TRAPPC9: variants seen among roughly 807,000 people sequenced by gnomAD.
TRAPPC9 encodes the protein trafficking protein particle complex subunit 9.
Under a neutral mutation model 124.0 loss-of-function variants are expected in TRAPPC9, and 83 were observed. That is an observed-to-expected ratio of 0.67 (90% confidence interval 0.56 to 0.80). TRAPPC9 has a LOEUF of 0.80. TRAPPC9 is among the 30% of genes least tolerant of loss of function. TRAPPC9 has a pLI of 0.00. For synonymous variants in TRAPPC9, 638 were observed against 617.5 expected (o/e 1.03, Z -0.49); for missense variants, 1,302 against 1,508.3 (o/e 0.86, Z 2.27).
rs970235806 is a variant in TRAPPC9, at chr8:140,241,501, C to T, written c.2431+11276G>A. 1.3e-5 allele frequency among the ~76,000 whole-genome samples: 2 copies of T among 151,818 alleles called. No homozygotes were observed. The highest frequency in any genetic ancestry group is 1.9e-4 in the East Asian group (1 of 5,148). On this transcript the variant is annotated intron_variant, in intron 16 of 22. Transcript: ENST00000438773. This position sits in a 1 kb window ranked among gnomAD's most constrained non-coding sequence, Gnocchi z 5.0. ...CATGAGGTGAAGGGATCAAGACTAT[C>T]CTGGCCAACATGGTGAAACCCTGTC...
intron 20 of TRAPPC9, among the ~76,000 whole-genome samples, chr8:139,892,556 C>G (rs781338250): frequency 6.6e-6 from 1 of 152,192 alleles, no homozygotes; most frequent in Non-Finnish European, 1.5e-5. Flanking sequence ...ACGATGATGA[C>G]GTCTGCCAGT....
intron 17 of TRAPPC9, among the ~76,000 whole-genome samples, chr8:140,140,516 G>T (rs1033972246): frequency 1.5e-4 from 23 of 152,124 alleles, no homozygotes; most frequent in African/African-American, 5.6e-4. Context: ...GAGCATCGAA[G>T]TGTCTCTTCT....
intron 21 of TRAPPC9, among the ~76,000 whole-genome samples, chr8:139,763,609 A>AAT (rs1389882534): frequency 1.3e-5 from 2 of 151,128 alleles, no homozygotes; most frequent in African/African-American, 2.4e-5. Context: ...CATGCACATA[A>AAT]ACACACACAC....
At chr8:140,392,002 G>C (rs544977877) in intron 7 of TRAPPC9, among the ~76,000 whole-genome samples, 91 of 150,694 alleles carry the variant, frequency 6.0e-4, no homozygotes, top group African/African-American at 2.0e-3. Context: ...CTCCAACCTG[G>C]GCTACAAGAG....
chr8:139,986,699 G>C (rs1172893603), intron 19 of TRAPPC9, among the ~76,000 whole-genome samples: 3 of 152,172 alleles, frequency 2.0e-5, no homozygotes, highest in Non-Finnish European at 4.4e-5. Flanking sequence ...CACTGGCTTA[G>C]TTTTTCCTTC....
At chr8:140,444,390 G>C (rs958600517) in intron 2 of TRAPPC9, among the ~76,000 whole-genome samples, 7 of 151,932 alleles carry the variant, frequency 4.6e-5, no homozygotes, top group African/African-American at 7.3e-5. Context: ...TGCCCTTCTG[G>C]GTCCATGGGA....
intron 17 of TRAPPC9, among the ~76,000 whole-genome samples, chr8:140,037,879 A>AACAC (rs10560088): frequency 0.039 from 3,491 of 90,652 alleles, 211 homozygotes; most frequent in African/African-American, 0.11. Context: ...ACACACCTCC[A>AACAC]ACACACACAC....
chr8:139,752,334 T>C (rs1291186377), intron 21 of TRAPPC9, among the ~76,000 whole-genome samples: 31 of 98,588 alleles, frequency 3.1e-4, no homozygotes, highest in East Asian at 7.0e-4. Flanking sequence ...ACCCATCCAT[T>C]CATCCAACAT....
intron 5 of TRAPPC9, among the ~76,000 whole-genome samples, chr8:140,417,765 T>A (rs2069991507): frequency 6.6e-6 from 1 of 152,232 alleles, no homozygotes; most frequent in South Asian, 2.1e-4. Context: ...TGTACATGTA[T>A]GTTTATTGCA....
At chr8:139,967,500 AGAT>A (rs1835779215) in intron 19 of TRAPPC9, among the ~76,000 whole-genome samples, 2 of 152,204 alleles carry the variant, frequency 1.3e-5, no homozygotes, top group African/African-American at 4.8e-5. Flanking sequence ...CGGTACAGAG[AGAT>A]GATGAAGACA....
chr8:140,274,006 G>C (rs1254664215), intron 15 of TRAPPC9, among the ~76,000 whole-genome samples: 1 of 152,110 alleles, frequency 6.6e-6, no homozygotes, highest in African/African-American at 2.4e-5. Flanking sequence ...CTCCCCAGGG[G>C]ATGGGACCAC....
chr8:139,968,650 G>A (rs1487835364), intron 19 of TRAPPC9, among the ~76,000 whole-genome samples: 1 of 152,240 alleles, frequency 6.6e-6, no homozygotes, highest in Non-Finnish European at 1.5e-5. Context: ...GCCTGCCACA[G>A]AAGAGTACTC....
At chr8:140,302,011 T>G (rs2065992759) in intron 10 of TRAPPC9, among the ~76,000 whole-genome samples, 1 of 152,212 alleles carries the variant, frequency 6.6e-6, no homozygotes, top group Admixed American at 6.5e-5. Flanking sequence ...CAGGGTTAAT[T>G]TTTCTGCCAC....
intron 5 of TRAPPC9, among the ~76,000 whole-genome samples, chr8:140,412,758 A>T (rs2069753003): frequency 6.6e-6 from 1 of 152,220 alleles, no homozygotes; most frequent in Non-Finnish European, 1.5e-5. Context: ...TCAACAGTTT[A>T]AAAAAATTAG....
chr8:139,820,599 A>G (rs1825188390), intron 21 of TRAPPC9, among the ~76,000 whole-genome samples: 1 of 152,382 alleles, frequency 6.6e-6, no homozygotes, highest in Admixed American at 6.5e-5. Flanking sequence ...CAAATGGACA[A>G]ATAACTACAA....
At chr8:140,272,185 TATGGTGGTG>T (rs1387844362) in intron 15 of TRAPPC9, among the ~76,000 whole-genome samples, 1 of 68,426 alleles carries the variant, frequency 1.5e-5, no homozygotes, top group Non-Finnish European at 3.0e-5. Flanking sequence ...TGGTGGTGGT[TATGGTGGTG>T]ATGGTGGCAG....
chr8:140,356,505 G>C (rs1563970076), intron 9 of TRAPPC9, among the ~76,000 whole-genome samples: 1 of 152,176 alleles, frequency 6.6e-6, no homozygotes, highest in Non-Finnish European at 1.5e-5. Context: ...CAAAGGGGAA[G>C]ATATGGCCCA....
chr8:139,932,039 C>A, intron 19 of TRAPPC9: 1 of 271,914 alleles, frequency 3.7e-6, no homozygotes, highest in Non-Finnish European at 7.3e-6. Context: ...ATTTGTCCAG[C>A]ATTACAAGAG....
intron 11 of TRAPPC9, among the ~76,000 whole-genome samples, chr8:140,293,724 G>A (rs2065728460): frequency 6.6e-6 from 1 of 151,306 alleles, no homozygotes; most frequent in African/African-American, 2.5e-5. Context: ...GTGGGGTGGG[G>A]AGACGGGGGA....
Sources: gnomAD v4.1 joint callset for allele counts (sites outside exome capture counted in the v4.1 genomes callset) on GRCh38, gnomAD v4.1.1 for gene constraint, Gnocchi (gnomAD v3.1) non-coding constraint, MANE v1.5 for transcripts, NCBI Gene and HGNC (gene_info 2026-07-23, HGNC 2026-07-21) for gene names.